Variants in ASAP1 observed in about 807,000 individuals in gnomAD.
ASAP1 encodes arf-GAP with SH3 domain, ANK repeat and PH domain-containing protein 1.
In ASAP1, 43 loss-of-function variants were observed where a neutral mutation model predicts 145.2. That is an observed-to-expected ratio of 0.30 (90% CI 0.23 to 0.38). ASAP1 has a LOEUF of 0.38. Among genes scored for constraint, ASAP1 ranks in the 10% least tolerant of loss-of-function variants. ASAP1 has a pLI of 1.00. For missense variants in ASAP1, 1,018 were observed against 1,355.3 expected (o/e 0.75, Z 3.91); for synonymous variants, 546 against 515.5 (o/e 1.06, Z -0.80).
chr8:130,071,711 T>C (rs570179656), intron 27 of ASAP1, among the ~76,000 whole-genome samples: 1 of 152,278 alleles, frequency 6.6e-6, no homozygotes, highest in South Asian at 2.1e-4. Context: ...AAGCTGTGTA[T>C]TTACCCAGAC....
chr8:130,377,492 C>T (rs1048026310), intron 2 of ASAP1, among the ~76,000 whole-genome samples: 15 of 152,218 alleles, frequency 9.9e-5, no homozygotes, highest in African/African-American at 9.6e-5. Flanking sequence ...ACTGACCAAG[C>T]GCCTCCTGCC....
intron 3 of ASAP1, among the ~76,000 whole-genome samples, chr8:130,355,487 A>G (rs914895553): frequency 7.9e-5 from 12 of 152,222 alleles, no homozygotes; most frequent in South Asian, 4.1e-4. Context: ...CGGAGTTTCC[A>G]TATCACCAAA....
At chr8:130,362,101 A>G (rs917699035) in intron 2 of ASAP1, among the ~76,000 whole-genome samples, 2 of 152,188 alleles carry the variant, frequency 1.3e-5, no homozygotes, top group African/African-American at 4.8e-5. Context: ...CTGAACAGCA[A>G]TGGCGCTAAC....
chr8:130,322,882 A>G (rs2137681395), intron 3 of ASAP1, among the ~76,000 whole-genome samples: 1 of 152,308 alleles, frequency 6.6e-6, no homozygotes, highest in South Asian at 2.1e-4. Flanking sequence ...GGCCAGGGAG[A>G]CGCAGAAGGC....
chr8:130,073,208 G>A (rs1009168399), intron 27 of ASAP1, among the ~76,000 whole-genome samples: 2 of 151,786 alleles, frequency 1.3e-5, no homozygotes, highest in African/African-American at 4.8e-5. Context: ...TGACCAACAC[G>A]GAGAAACCCC....
chr8:130,326,407 C>T (rs1400476669), intron 3 of ASAP1, among the ~76,000 whole-genome samples: 21 of 152,180 alleles, frequency 1.4e-4, no homozygotes, highest in Admixed American at 1.4e-3. Context: ...CAATAGGATC[C>T]CCAATTTAAG....
At chr8:130,324,944 AG>A (rs1426138832) in intron 3 of ASAP1, among the ~76,000 whole-genome samples, 8 of 152,190 alleles carry the variant, frequency 5.3e-5, no homozygotes, top group Non-Finnish European at 7.3e-5. Context: ...GCTCTGCAAA[AG>A]CCAAGCAAAG....
chr8:130,060,565 A>AT lies in ASAP1; in HGVS notation c.3192+13dup. 6.3e-7 allele frequency: 1 copy of AT among 1,589,944 alleles called. No individual in the cohort carries two copies. On this transcript the variant is annotated intron_variant, in intron 28 of 29. Coordinates refer to ENST00000518721, the MANE Select transcript of ASAP1 (RefSeq NM_018482.4). ...GAATAGGGTTCCTAAGGGCCTGAACATTGTCCCACCCACCGTATTGATTTT... is the reference window on the plus strand; with the variant it reads ...GAATAGGGTTCCTAAGGGCCTGAACATTTGTCCCACCCACCGTATTGATTTT...
chr8:130,190,481 T>C (rs1815062950), intron 5 of ASAP1, among the ~76,000 whole-genome samples: 1 of 152,196 alleles, frequency 6.6e-6, no homozygotes, highest in Non-Finnish European at 1.5e-5. Context: ...AATTTATCTC[T>C]GGGTTCTCTA....
At chr8:130,393,605 A>C (rs749154472) in intron 2 of ASAP1, among the ~76,000 whole-genome samples, 3 of 152,106 alleles carry the variant, frequency 2.0e-5, no homozygotes, top group Non-Finnish European at 4.4e-5. Context: ...AAAATACAAA[A>C]ATTAGCCAGG....
intron 3 of ASAP1, among the ~76,000 whole-genome samples, chr8:130,278,131 T>C (rs1821030704): frequency 6.6e-6 from 1 of 151,710 alleles, no homozygotes; most frequent in Admixed American, 6.6e-5. Flanking sequence ...CCAATATCCC[T>C]CAAACCATGA....
intron 5 of ASAP1, among the ~76,000 whole-genome samples, chr8:130,198,663 AG>A (rs1306731207): frequency 6.6e-6 from 1 of 152,216 alleles, no homozygotes; most frequent in Non-Finnish European, 1.5e-5. Flanking sequence ...TAGTCTCACT[AG>A]GTTAACGAGG....
At chr8:130,148,730 T>G (rs894775476) in intron 13 of ASAP1, among the ~76,000 whole-genome samples, 2 of 152,228 alleles carry the variant, frequency 1.3e-5, no homozygotes, top group African/African-American at 2.4e-5. Flanking sequence ...TTATGATATT[T>G]ATTTATACTA....
chr8:130,095,768 G>A (rs976002318), intron 24 of ASAP1, among the ~76,000 whole-genome samples: 2 of 151,670 alleles, frequency 1.3e-5, no homozygotes, highest in African/African-American at 2.4e-5. Context: ...ACAGGTGCAC[G>A]CCGCCACACC....
intron 3 of ASAP1, among the ~76,000 whole-genome samples, chr8:130,331,920 A>G (rs1347460336): frequency 1.3e-5 from 2 of 152,194 alleles, no homozygotes; most frequent in Non-Finnish European, 2.9e-5. Flanking sequence ...CAGATCCCCA[A>G]ATATTTCTGT....
intron 2 of ASAP1, among the ~76,000 whole-genome samples, chr8:130,369,939 C>T (rs547461805): frequency 1.4e-4 from 21 of 152,140 alleles, no homozygotes; most frequent in Non-Finnish European, 2.6e-4. Flanking sequence ...GGTATTACAA[C>T]GTGACACTTT....
rs920959589 is a variant in ASAP1, at chr8:130,063,370, C to T, written c.2702-2301G>A. On this transcript the variant is annotated intron_variant, in intron 27 of 29. Coordinates refer to ENST00000518721, the MANE Select transcript of ASAP1 (RefSeq NM_018482.4). Reference sequence around the variant, plus strand: ...TTTTTAATTTTTTAGTAGAGACGTGCAGGGCCATGCTGTCCCCAGCTTCAG... The same window carrying T: ...TTTTTAATTTTTTAGTAGAGACGTGTAGGGCCATGCTGTCCCCAGCTTCAG... Among the ~76,000 whole-genome samples, 6 of 152,120 alleles carry T rather than the reference C, an allele frequency of 3.9e-5. No individual in the cohort carries two copies. In the East Asian group the frequency reaches 1.2e-3, roughly 29 times the overall value.
At chr8:130,252,731 T>C (rs1819276842) in intron 3 of ASAP1, among the ~76,000 whole-genome samples, 1 of 152,178 alleles carries the variant, frequency 6.6e-6, no homozygotes, top group African/African-American at 2.4e-5. Context: ...GGCTTGTTCA[T>C]CTTGATGCAA....
At chr8:130,430,213 C>A (rs146274467) in intron 1 of ASAP1, among the ~76,000 whole-genome samples, 1 of 152,172 alleles carries the variant, frequency 6.6e-6, no homozygotes, top group African/African-American at 2.4e-5. Flanking sequence ...ATTCATCAAA[C>A]ATGAATTAAG....
Sources: allele counts gnomAD v4.1 joint callset (sites outside exome capture counted in the v4.1 genomes callset), GRCh38; gene constraint gnomAD v4.1.1; transcripts MANE v1.5; gene names NCBI Gene and HGNC (gene_info 2026-07-23, HGNC 2026-07-21).